The following LRMDA variants were observed in gnomAD, a reference collection of about 807,000 sequenced individuals.
LRMDA encodes leucine rich melanocyte differentiation associated.
LRMDA carries 18 observed loss-of-function variants against 29.8 expected under a neutral mutation model. The observed-to-expected ratio is 0.60, with a 90% confidence interval of 0.42 to 0.90. LRMDA has a LOEUF of 0.90. Among genes scored for constraint, LRMDA ranks in the 40% least tolerant of loss-of-function variants. The probability of loss-of-function intolerance (pLI) is 0.00; values close to 1 mark genes in which losing one functional copy is unlikely to be tolerated. For synonymous variants in LRMDA, 125 were observed against 109.4 expected (o/e 1.14, Z -0.89); for missense variants, 273 against 273.9 (o/e 1.00, Z 0.02).
At chr10:76,033,770 C>T (rs1455632209) in intron 2 of LRMDA, among the ~76,000 whole-genome samples, 2 of 152,056 alleles carry the variant, frequency 1.3e-5, no homozygotes, top group Admixed American at 6.6e-5. Context: ...TAGTGGTAAA[C>T]GGGCCCAGTC....
At chr10:75,641,249 T>C (rs1841449435) in intron 2 of LRMDA, among the ~76,000 whole-genome samples, 1 of 152,170 alleles carries the variant, frequency 6.6e-6, no homozygotes, top group South Asian at 2.1e-4. Context: ...GATGAAATTC[T>C]GTATTTTTGG....
At chr10:76,122,749 T>G (rs1441473591) in intron 5 of LRMDA, among the ~76,000 whole-genome samples, 1 of 152,162 alleles carries the variant, frequency 6.6e-6, no homozygotes, top group Non-Finnish European at 1.5e-5. Flanking sequence ...AACATGAACA[T>G]GAACTCTAAG....
intron 2 of LRMDA, among the ~76,000 whole-genome samples, chr10:75,588,676 AAG>A (rs1249118184): frequency 6.6e-6 from 1 of 152,202 alleles, no homozygotes; most frequent in East Asian, 1.9e-4. Context: ...TTTGAAAATT[AAG>A]AGAGATGAAA....
At chr10:76,435,944 G>T (rs766512548) in intron 6 of LRMDA, among the ~76,000 whole-genome samples, 14 of 152,342 alleles carry the variant, frequency 9.2e-5, no homozygotes, top group African/African-American at 1.2e-4. Context: ...GAGGGTTAGG[G>T]AGAAACTGGG....
At chr10:75,792,264 T>TTTGTTTGC (rs1362560975) in intron 2 of LRMDA, among the ~76,000 whole-genome samples, 2 of 151,010 alleles carry the variant, frequency 1.3e-5, no homozygotes, top group East Asian at 2.0e-4. Flanking sequence ...CTGGTGTTTG[T>TTTGTTTGC]TTGTTTGTTT....
chr10:76,526,470 G>A (rs1433300735), intron 6 of LRMDA, among the ~76,000 whole-genome samples: 1 of 152,124 alleles, frequency 6.6e-6, no homozygotes, highest in East Asian at 1.9e-4. Flanking sequence ...TTCATTTGTG[G>A]ATAGACAGCT....
intron 2 of LRMDA, among the ~76,000 whole-genome samples, chr10:75,746,387 T>G (rs1004040879): frequency 3.9e-5 from 6 of 152,240 alleles, no homozygotes; most frequent in African/African-American, 1.4e-4. Flanking sequence ...AAAATTGTTT[T>G]CGTTCAAACT....
intron 6 of LRMDA, among the ~76,000 whole-genome samples, chr10:76,425,408 C>G (rs1842113572): frequency 6.6e-6 from 1 of 151,620 alleles, no homozygotes; most frequent in Admixed American, 6.6e-5. Context: ...CAAATCCCAA[C>G]TCAGTCATTT....
At chr10:76,089,034 T>C (rs903110158) in intron 5 of LRMDA, among the ~76,000 whole-genome samples, 15 of 152,212 alleles carry the variant, frequency 9.9e-5, no homozygotes, top group Non-Finnish European at 2.2e-4. Flanking sequence ...AGCGAGACAC[T>C]GAGGCTAGAG....
chr10:75,623,292 A>G (rs1248716434), intron 2 of LRMDA, among the ~76,000 whole-genome samples: 1 of 152,184 alleles, frequency 6.6e-6, no homozygotes, highest in Non-Finnish European at 1.5e-5. Flanking sequence ...GCCCCTTGAA[A>G]GTGGGCTCTG....
intron 2 of LRMDA, among the ~76,000 whole-genome samples, chr10:75,551,508 A>G (rs1840147142): frequency 1.4e-5 from 2 of 139,714 alleles, no homozygotes; most frequent in African/African-American, 5.4e-5. Flanking sequence ...AACAGGCCCC[A>G]GTGTGTGATG....
chr10:76,495,602 T>C (rs979489217), intron 6 of LRMDA, among the ~76,000 whole-genome samples: 3 of 151,888 alleles, frequency 2.0e-5, no homozygotes, highest in Non-Finnish European at 4.4e-5. Flanking sequence ...TTCCACAGTA[T>C]ATTGAGTCTT....
At chr10:76,011,397 G>A (rs1383744294) in intron 2 of LRMDA, among the ~76,000 whole-genome samples, 1 of 152,212 alleles carries the variant, frequency 6.6e-6, no homozygotes, top group Non-Finnish European at 1.5e-5. Flanking sequence ...GATGAGGGGT[G>A]TGGGAATGTG....
chr10:76,088,535 C>T (rs1412013217), intron 5 of LRMDA, among the ~76,000 whole-genome samples: 1 of 152,184 alleles, frequency 6.6e-6, no homozygotes, highest in Non-Finnish European at 1.5e-5. Context: ...AACTGACTCA[C>T]AATATCTGGA....
chr10:76,537,941 A>AATAGC (rs2132380731), intron 6 of LRMDA, among the ~76,000 whole-genome samples: 1 of 152,328 alleles, frequency 6.6e-6, no homozygotes, highest in Admixed American at 6.5e-5. Context: ...TGAGAAGGAT[A>AATAGC]ATAGCAATAA....
chr10:75,523,867 C>T (rs1037040778), intron 2 of LRMDA, among the ~76,000 whole-genome samples: 1 of 152,160 alleles, frequency 6.6e-6, no homozygotes, highest in Non-Finnish European at 1.5e-5. Context: ...GATAAAATGT[C>T]AGCCTCCACC....
chr10:75,827,676 G>T (rs1844270815), intron 2 of LRMDA, among the ~76,000 whole-genome samples: 1 of 152,216 alleles, frequency 6.6e-6, no homozygotes, highest in Non-Finnish European at 1.5e-5. Context: ...GCCAAAGAAA[G>T]ACTTGAGTTT....
At chr10:75,836,438 C>T (rs571513492) in intron 2 of LRMDA, among the ~76,000 whole-genome samples, 1 of 152,304 alleles carries the variant, frequency 6.6e-6, no homozygotes, top group South Asian at 2.1e-4. Flanking sequence ...AGCTTGTCCT[C>T]TGGGACTCTA....
At chr10:76,238,307 CCT>C (rs1852198992) in intron 5 of LRMDA, among the ~76,000 whole-genome samples, 1 of 151,988 alleles carries the variant, frequency 6.6e-6, no homozygotes, top group Non-Finnish European at 1.5e-5. Context: ...GCAATTTGGT[CCT>C]CTATTTACTT....
Sources: allele counts gnomAD v4.1 joint callset (sites outside exome capture counted in the v4.1 genomes callset), GRCh38; gene constraint gnomAD v4.1.1; transcripts MANE v1.5; gene names NCBI Gene and HGNC (gene_info 2026-07-23, HGNC 2026-07-21).